The following CRPPA variants were observed in gnomAD, a reference collection of about 807,000 sequenced individuals.
CRPPA encodes the protein CDP-L-ribitol pyrophosphorylase A, also known as D-ribitol-5-phosphate cytidylyltransferase.
In CRPPA, 43 loss-of-function variants were observed where a neutral mutation model predicts 52.0. The observed-to-expected ratio is 0.83, with a 90% CI of 0.65 to 1.07. CRPPA has a LOEUF of 1.07. Ranked by LOEUF, CRPPA falls within the 50% of genes least tolerant of loss-of-function variation. CRPPA has a pLI of 0.00. For synonymous variants in CRPPA, 250 were observed against 203.5 expected, an observed-to-expected ratio of 1.23 and a Z score of -1.94; for missense variants, 629 against 551.7, an observed-to-expected ratio of 1.14 and a Z score of -1.40.
At chr7:16,246,345 T>C (rs184916426) in intron 8 of CRPPA, among the ~76,000 whole-genome samples, 4 of 152,286 alleles carry the variant, frequency 2.6e-5, no homozygotes, top group Non-Finnish European at 4.4e-5. Context: ...ACTTCTATTC[T>C]CTTGCTATTG....
intron 3 of CRPPA, among the ~76,000 whole-genome samples, chr7:16,374,887 A>G (rs1191465414): frequency 6.6e-6 from 1 of 152,156 alleles, no homozygotes; most frequent in East Asian, 1.9e-4. Context: ...AATATGTATA[A>G]AAGTTCCTCC....
chr7:16,379,852 T>G (rs1302510734), intron 2 of CRPPA, among the ~76,000 whole-genome samples: 1 of 152,214 alleles, frequency 6.6e-6, no homozygotes, highest in East Asian at 1.9e-4. Flanking sequence ...ATCCCGAGAC[T>G]TTGCTGAAGT....
At chr7:16,321,239 A>AAAGACATTTCATAGGT (rs2128427427) in intron 3 of CRPPA, among the ~76,000 whole-genome samples, 1 of 152,256 alleles carries the variant, frequency 6.6e-6, no homozygotes, top group Non-Finnish European at 1.5e-5. Context: ...GTCTTTTTAG[A>AAAGACATTTCATAGGT]CATTTCTACT....
At chr7:16,398,170 C>T (rs1177580113) in intron 2 of CRPPA, among the ~76,000 whole-genome samples, 3 of 152,100 alleles carry the variant, frequency 2.0e-5, no homozygotes, top group Non-Finnish European at 4.4e-5. Context: ...ACAATTGACA[C>T]ATGATCGGCC....
At chr7:16,400,542 C>A (rs562096076) in intron 2 of CRPPA, among the ~76,000 whole-genome samples, 3 of 152,306 alleles carry the variant, frequency 2.0e-5, no homozygotes, top group East Asian at 3.9e-4. Context: ...ACTACTGACA[C>A]GTCGACACGA....
intron 8 of CRPPA, among the ~76,000 whole-genome samples, chr7:16,254,837 G>GAAAGAGAAAGAAGAAAGAAAGAAAT (rs1783586164): frequency 6.7e-6 from 1 of 148,226 alleles, no homozygotes; most frequent in Non-Finnish European, 1.5e-5. Flanking sequence ...AAGAAAGAAA[G>GAAAGAGAAAGAAGAAAGAAAGAAAT]AAAGAAAGAG....
chr7:16,143,563 T>A (rs969015599), intron 9 of CRPPA, among the ~76,000 whole-genome samples: 8 of 152,196 alleles, frequency 5.3e-5, no homozygotes, highest in African/African-American at 1.9e-4. Flanking sequence ...GGATACCTAA[T>A]TCTGACTGAA....
chr7:16,293,189 C>G (rs1007439676), intron 5 of CRPPA, among the ~76,000 whole-genome samples: 2 of 151,888 alleles, frequency 1.3e-5, no homozygotes, highest in African/African-American at 4.8e-5. Context: ...AGAAATCTGT[C>G]TCCAATTTTC....
intron 3 of CRPPA, among the ~76,000 whole-genome samples, chr7:16,327,746 T>C (rs1005344092): frequency 6.6e-6 from 1 of 152,188 alleles, no homozygotes; most frequent in Non-Finnish European, 1.5e-5. Flanking sequence ...GGCTTTTATC[T>C]TAAAATTGAT....
At chr7:16,137,547 A>T (rs1782785034) in intron 9 of CRPPA, among the ~76,000 whole-genome samples, 1 of 152,202 alleles carries the variant, frequency 6.6e-6, no homozygotes, top group Non-Finnish European at 1.5e-5. Context: ...GCAGCATTCA[A>T]AATTAAACAT....
intron 3 of CRPPA, among the ~76,000 whole-genome samples, chr7:16,319,415 G>A (rs1449579982): frequency 1.3e-5 from 2 of 152,068 alleles, no homozygotes; most frequent in African/African-American, 2.4e-5. Context: ...CTTGGAAAGA[G>A]TCTTCATCTC....
intron 1 of CRPPA, among the ~76,000 whole-genome samples, chr7:16,409,144 C>T (rs1032651200): frequency 4.6e-5 from 7 of 152,172 alleles, no homozygotes; most frequent in Non-Finnish European, 7.4e-5. Flanking sequence ...TCAGGTGATC[C>T]ACCCACCTCA....
chr7:16,408,447 T>C (rs1788006266), intron 1 of CRPPA, among the ~76,000 whole-genome samples: 1 of 151,972 alleles, frequency 6.6e-6, no homozygotes, highest in Admixed American at 6.6e-5. Context: ...GGAGCTGGAG[T>C]TCCCCGAGCA....
chr7:16,378,412 C>T (rs557307104), intron 2 of CRPPA, among the ~76,000 whole-genome samples: 235 of 151,704 alleles, frequency 1.5e-3, no homozygotes, highest in Non-Finnish European at 3.0e-3. Flanking sequence ...TTTCCAATTT[C>T]ATCCATGTCC....
chr7:16,203,749 T>C (rs961903177), intron 9 of CRPPA, among the ~76,000 whole-genome samples: 6 of 152,172 alleles, frequency 3.9e-5, no homozygotes, highest in African/African-American at 1.2e-4. Context: ...ACATTTGCCA[T>C]TAAGAAGTCC....
intron 6 of CRPPA, among the ~76,000 whole-genome samples, chr7:16,267,044 A>C (rs1783975162): frequency 6.6e-6 from 1 of 152,226 alleles, no homozygotes; most frequent in Non-Finnish European, 1.5e-5. Flanking sequence ...GTAATGCATA[A>C]AACATTTGCA....
intron 8 of CRPPA, among the ~76,000 whole-genome samples, chr7:16,217,392 C>T (rs1408404053): frequency 1.3e-5 from 2 of 151,160 alleles, no homozygotes; most frequent in East Asian, 3.9e-4. Flanking sequence ...ACCTCTCCTC[C>T]TCCAAAGGAA....
chr7:16,300,633 C>T (rs1784773724), intron 5 of CRPPA, among the ~76,000 whole-genome samples: 1 of 152,160 alleles, frequency 6.6e-6, no homozygotes, highest in South Asian at 2.1e-4. Context: ...CTTCCAGCAG[C>T]TTGTGAGCAG....
At chr7:16,381,909 G>C (rs1304290937) in intron 2 of CRPPA, among the ~76,000 whole-genome samples, 1 of 152,110 alleles carries the variant, frequency 6.6e-6, no homozygotes, top group Non-Finnish European at 1.5e-5. Context: ...TGGGTTTCCT[G>C]AATACAGTGC....
Sources: gnomAD v4.1 joint callset for allele counts (sites outside exome capture counted in the v4.1 genomes callset) on GRCh38, gnomAD v4.1.1 for gene constraint, MANE v1.5 for transcripts, NCBI Gene and HGNC (gene_info 2026-07-23, HGNC 2026-07-21) for gene names.